The following CACNA2D3 variants were observed in gnomAD, a reference collection of about 807,000 sequenced individuals.
CACNA2D3 encodes voltage-dependent calcium channel subunit alpha-2/delta-3.
A neutral mutation model predicts 160.6 loss-of-function variants in CACNA2D3; 60 were observed. The observed-to-expected ratio is 0.37, with a 90% confidence interval of 0.30 to 0.46. CACNA2D3 has a LOEUF of 0.46. Ranked by LOEUF, CACNA2D3 falls within the 20% of genes least tolerant of loss-of-function variation. The pLI, the probability that CACNA2D3 is intolerant of heterozygous loss-of-function variation, is 1.00. For synonymous variants in CACNA2D3, 558 were observed against 492.9 expected (o/e 1.13, Z -1.75); for missense variants, 1,205 against 1,365.0 (o/e 0.88, Z 1.85).
chr3:54,191,462 T>TA (rs1274818060), intron 2 of CACNA2D3, among the ~76,000 whole-genome samples: 1 of 152,026 alleles, frequency 6.6e-6, no homozygotes, highest in Non-Finnish European at 1.5e-5. Flanking sequence ...TTCAGTTTCA[T>TA]ACGCATGCTG....
chr3:54,238,867 C>T (rs187766801), intron 2 of CACNA2D3, among the ~76,000 whole-genome samples: 2 of 152,292 alleles, frequency 1.3e-5, no homozygotes, highest in Non-Finnish European at 2.9e-5. Context: ...TTGCTCCTGC[C>T]TCCAAACTGC....
chr3:54,663,484 G>A (rs562011533), intron 11 of CACNA2D3, among the ~76,000 whole-genome samples: 2 of 152,230 alleles, frequency 1.3e-5, no homozygotes, highest in South Asian at 2.1e-4. Context: ...CAGGAGGTTT[G>A]TGTGAAACCC....
chr3:54,816,762 G>T, intron 13 of CACNA2D3, 91 bp from the exon 14 acceptor site: 1 of 1,479,476 alleles, frequency 6.8e-7, no homozygotes, highest in Non-Finnish European at 9.2e-7. Flanking sequence ...TTCTCCATTT[G>T]CAAATGGCAA....
intron 13 of CACNA2D3, among the ~76,000 whole-genome samples, chr3:54,793,223 T>C (rs372559776): frequency 2.0e-5 from 3 of 152,252 alleles, no homozygotes; most frequent in East Asian, 1.9e-4. Context: ...GAATAAATTA[T>C]ATTTTTTCCT....
chr3:54,989,102 T>C (rs577364044), intron 31 of CACNA2D3, among the ~76,000 whole-genome samples: 1 of 152,214 alleles, frequency 6.6e-6, no homozygotes, highest in Non-Finnish European at 1.5e-5. Flanking sequence ...TTTTCCTATC[T>C]TTATGTGGAT....
intron 13 of CACNA2D3, among the ~76,000 whole-genome samples, chr3:54,765,109 A>C (rs1702197697): frequency 6.6e-6 from 1 of 152,138 alleles, no homozygotes; most frequent in South Asian, 2.1e-4. Flanking sequence ...ACATCACATT[A>C]ATCACTGTAA....
intron 11 of CACNA2D3, among the ~76,000 whole-genome samples, chr3:54,736,007 GTATATATATACACA>G (rs1559563440): frequency 1.1e-5 from 1 of 90,940 alleles, no homozygotes; most frequent in African/African-American, 4.8e-5. Flanking sequence ...ATATATATAT[GTATATATATACACA>G]TACATATATA....
At chr3:54,851,237 C>A (rs1405348814) in intron 17 of CACNA2D3, among the ~76,000 whole-genome samples, 1 of 152,094 alleles carries the variant, frequency 6.6e-6, no homozygotes, top group Non-Finnish European at 1.5e-5. Context: ...ATATTATGTG[C>A]CTTGGAAAGG....
At chr3:54,433,617 C>T (rs1479128945) in intron 4 of CACNA2D3, among the ~76,000 whole-genome samples, 3 of 152,142 alleles carry the variant, frequency 2.0e-5, no homozygotes, top group Non-Finnish European at 4.4e-5. Flanking sequence ...AACAAATGAG[C>T]GTAGGAAGAC....
At chr3:54,284,338 CTGA>C (rs1375933128) in intron 2 of CACNA2D3, among the ~76,000 whole-genome samples, 7 of 151,032 alleles carry the variant, frequency 4.6e-5, no homozygotes, top group Non-Finnish European at 1.0e-4. Flanking sequence ...AAGTTTTGTA[CTGA>C]TGTTAATCTT....
At chr3:54,617,478 C>T (rs952318396) in intron 9 of CACNA2D3, among the ~76,000 whole-genome samples, 2 of 152,172 alleles carry the variant, frequency 1.3e-5, no homozygotes. Flanking sequence ...CTGATTGGCT[C>T]AGGCCCAGAC....
At chr3:54,785,618 G>A (rs1311871748) in intron 13 of CACNA2D3, among the ~76,000 whole-genome samples, 1 of 152,248 alleles carries the variant, frequency 6.6e-6, no homozygotes, top group African/African-American at 2.4e-5. Flanking sequence ...ATTATTTTCT[G>A]TAGGGAAATT....
chr3:54,320,720 T>C (rs977822762), intron 3 of CACNA2D3, among the ~76,000 whole-genome samples, 162 bp downstream of exon 3: 6 of 152,352 alleles, frequency 3.9e-5, no homozygotes, highest in Non-Finnish European at 5.9e-5. Context: ...AAGCAGTCAC[T>C]AGGGGCACAA....
intron 2 of CACNA2D3, among the ~76,000 whole-genome samples, chr3:54,224,859 C>T (rs1256588694): frequency 1.4e-5 from 2 of 148,036 alleles, no homozygotes; most frequent in African/African-American, 5.0e-5. Flanking sequence ...CTGCAAATTT[C>T]TATGGTGGTA....
intron 34 of CACNA2D3, among the ~76,000 whole-genome samples, chr3:55,016,171 ACAAT>A (rs1703322043): frequency 6.6e-6 from 1 of 152,204 alleles, no homozygotes; most frequent in South Asian, 2.1e-4. Context: ...CCAGCACTGT[ACAAT>A]CAGTGTAGTC....
intron 2 of CACNA2D3, among the ~76,000 whole-genome samples, chr3:54,314,678 A>G (rs756961306): frequency 1.3e-5 from 2 of 152,140 alleles, no homozygotes; most frequent in African/African-American, 4.8e-5. Context: ...GCATTTTTTC[A>G]TATGTTTCTT....
chr3:54,647,958 C>T (rs1428249648), intron 11 of CACNA2D3, among the ~76,000 whole-genome samples: 2 of 152,104 alleles, frequency 1.3e-5, no homozygotes, highest in Non-Finnish European at 2.9e-5. Context: ...ATATGAACTC[C>T]AATATGAGAG....
chr3:54,700,329 A>G (rs906997204), intron 11 of CACNA2D3, among the ~76,000 whole-genome samples: 5 of 152,144 alleles, frequency 3.3e-5, no homozygotes, highest in African/African-American at 1.2e-4. Flanking sequence ...TTTTCCTCAT[A>G]TTCCAGAGGT....
intron 27 of CACNA2D3, among the ~76,000 whole-genome samples, chr3:54,931,910 G>A (rs1389757937): frequency 6.6e-6 from 1 of 152,178 alleles, no homozygotes; most frequent in African/African-American, 2.4e-5. Flanking sequence ...GCCAGGCTCA[G>A]TGGTTCACGC....
Sources: allele counts gnomAD v4.1 joint callset (sites outside exome capture counted in the v4.1 genomes callset), GRCh38; gene constraint gnomAD v4.1.1; transcripts MANE v1.5; gene names NCBI Gene and HGNC (gene_info 2026-07-23, HGNC 2026-07-21).